CENPC: variants seen among roughly 807,000 people sequenced by gnomAD.
The protein encoded by CENPC is CENP-C 1.
Under a neutral mutation model 112.1 loss-of-function variants are expected in CENPC, and 63 were observed. The observed-to-expected ratio is 0.56, with a 90% CI of 0.46 to 0.69. The LOEUF (loss-of-function observed/expected upper bound fraction) is 0.69, where lower values mean the gene tolerates loss of function less well. CENPC is among the 30% of genes least tolerant of loss of function. The pLI is 0.00. For missense variants in CENPC, 1,000 were observed against 1,103.8 expected, an observed-to-expected ratio of 0.91 and a Z score of 1.33; for synonymous variants, 333 against 367.6, an observed-to-expected ratio of 0.91 and a Z score of 1.08.
chr4:67,541,526 C>A lies in CENPC; in HGVS notation c.66-476G>T, dbSNP rs541902169. On this transcript the variant is annotated intron_variant, in intron 2 of 18. Transcript: ENST00000273853. ...AAAAATTATATTGAGCTTGTAGATT[C>A]ACAGCCAGCTATACAACATAATACA... is the stretch of plus-strand genomic sequence containing the variant. Among the ~76,000 whole-genome samples the A allele has an allele frequency of 2.6e-5, 4 of 152,236 alleles. No homozygotes were observed. The South Asian group carries it at 8.3e-4, about 32-fold the overall frequency.
intron 8 of CENPC, 99 bp downstream of exon 8, chr4:67,513,975 T>C: frequency 1.8e-6 from 2 of 1,138,194 alleles, no homozygotes; most frequent in Non-Finnish European, 2.4e-6. Flanking sequence ...TTTGTTCATT[T>C]AGGTTTACTT....
At chr4:67,545,033 C>A (rs1172088330) in intron 1 of CENPC, among the ~76,000 whole-genome samples, 1 of 151,878 alleles carries the variant, frequency 6.6e-6, no homozygotes, top group Non-Finnish European at 1.5e-5. Flanking sequence ...GGGGACAGAG[C>A]AAGACCCCGT....
chr4:67,516,354 A>C (rs191735038), intron 7 of CENPC, among the ~76,000 whole-genome samples: 4 of 152,128 alleles, frequency 2.6e-5, no homozygotes, highest in African/African-American at 9.7e-5. Context: ...GTAAACATCC[A>C]AACTCCAAAG....
At chr4:67,542,057 T>C (rs1157588193) in intron 2 of CENPC, among the ~76,000 whole-genome samples, 2 of 152,246 alleles carry the variant, frequency 1.3e-5, no homozygotes, top group Non-Finnish European at 2.9e-5. Context: ...TGTTCCATGC[T>C]ATGTGTGTAC....
chr4:67,477,544 A>C (rs762297448), intron 17 of CENPC, among the ~76,000 whole-genome samples: 6 of 152,198 alleles, frequency 3.9e-5, no homozygotes, highest in Non-Finnish European at 8.8e-5. Flanking sequence ...GAACAAATGA[A>C]TCTGAACTGC....
At chr4:67,521,227 T>G (rs1196626810) in intron 5 of CENPC, among the ~76,000 whole-genome samples, 3 of 123,304 alleles carry the variant, frequency 2.4e-5, no homozygotes, top group South Asian at 2.5e-4. Flanking sequence ...AAGTAAGAAA[T>G]AATGATCAAT....
chr4:67,495,236 C>CG (rs747604708), intron 12 of CENPC, 24 bp from the exon 13 acceptor site: 2 of 1,505,730 alleles, frequency 1.3e-6, no homozygotes, highest in South Asian at 2.6e-5. Flanking sequence ...AAGATAATAT[C>CG]ATAAGAAATG....
Position 67,519,484 on chromosome 4 carries a change from T to C in CENPC, c.350A>G (p.His117Arg). The change falls in exon 6 of 19, where the codon CAT (histidine) becomes CGT (arginine). Residue 117 changes from histidine (H) to arginine (R), a missense_variant. Coordinates refer to ENST00000273853, the MANE Select transcript of CENPC (RefSeq NM_001812.4). The stretch of plus-strand genomic sequence containing the variant: ...AACATCAGTTGCCAGAATTTTCTGA[T>C]GAACTTCATGGGCCTGAACTAGAAG... ...TNRSVQAHEV[H>R]QKILATDVSS... 6.3e-7 allele frequency: 1 copy of C among 1,587,684 alleles called. No homozygotes were observed.
chr4:67,526,108 T>C (rs954158386), intron 5 of CENPC, among the ~76,000 whole-genome samples: 2 of 149,910 alleles, frequency 1.3e-5, no homozygotes, highest in East Asian at 2.0e-4. Flanking sequence ...TAAGTGGGAG[T>C]AGAACAATGA....
At chr4:67,505,052 G>A (rs1445574414) in intron 12 of CENPC, 153 bp downstream of exon 12, 2 of 607,474 alleles carry the variant, frequency 3.3e-6, no homozygotes, top group Non-Finnish European at 5.8e-6. Context: ...TCTCACTTAG[G>A]TACAGGGTCT....
At chr4:67,477,369 T>C (rs1037595261) in intron 17 of CENPC, among the ~76,000 whole-genome samples, 1 of 152,208 alleles carries the variant, frequency 6.6e-6, no homozygotes, top group African/African-American at 2.4e-5. Flanking sequence ...AGACAGATCA[T>C]ATCACAAGAC....
intron 5 of CENPC, among the ~76,000 whole-genome samples, chr4:67,523,895 T>A (rs912324148): frequency 6.6e-6 from 1 of 152,012 alleles, no homozygotes; most frequent in African/African-American, 2.4e-5. Flanking sequence ...AAATGGGCCA[T>A]GTCAAAGGGA....
At chr4:67,533,180 A>G (rs1429624114) in intron 4 of CENPC, among the ~76,000 whole-genome samples, 6 of 152,202 alleles carry the variant, frequency 3.9e-5, no homozygotes, top group African/African-American at 1.4e-4. Flanking sequence ...TTGAATCATC[A>G]GGGTCAGTCT....
intron 15 of CENPC, among the ~76,000 whole-genome samples, chr4:67,492,520 T>C (rs980772995): frequency 7.9e-5 from 12 of 152,170 alleles, no homozygotes; most frequent in Non-Finnish European, 1.2e-4. Context: ...AACTCTTGCA[T>C]TATCAAGGTA....
Position 67,519,280 on chromosome 4 carries a change from G to T in CENPC, c.554C>A (p.Thr185Asn). Reference sequence around the variant, plus strand: ...CAGCATATTTACTGAATTTTCAAAAGTGTAAGTCTCTCTCTTTTGGGCACT... The same window carrying T: ...CAGCATATTTACTGAATTTTCAAAATTGTAAGTCTCTCTCTTTTGGGCACT... ...PSSAQKRETYTFENSVNMLPS... is the reference protein window; with the variant it reads ...PSSAQKRETYNFENSVNMLPS... The change falls in exon 6 of 19, where the codon ACT becomes AAT. Residue 185 changes from threonine (T) to asparagine (N), a missense_variant. Coordinates refer to ENST00000273853, the MANE Select transcript of CENPC (RefSeq NM_001812.4). The T allele has an allele frequency of 1.2e-6, 2 of 1,610,692 alleles. No individual in the cohort carries two copies. The highest frequency in any genetic ancestry group is 1.7e-6 in the Non-Finnish European group (2 of 1,177,964).
intron 12 of CENPC, 86 bp from the exon 13 acceptor site, chr4:67,495,298 G>A: frequency 8.1e-7 from 1 of 1,236,472 alleles, no homozygotes; most frequent in Non-Finnish European, 1.1e-6. Context: ...ATTTCAGTAT[G>A]AGTATTTTAA....
chr4:67,512,345 GC>G, intron 9 of CENPC, 56 bp downstream of exon 9: 2 of 1,207,272 alleles, frequency 1.7e-6, no homozygotes, highest in East Asian at 5.1e-5. Context: ...CAAACATAAT[GC>G]CCCTTACAGA....
chr4:67,519,138 A>G lies in CENPC; in HGVS notation c.617+79T>C, dbSNP rs757990645. 17 of 1,011,996 alleles carry G rather than the reference A, an allele frequency of 1.7e-5. 1 individual carries two copies. Among genetic ancestry groups the G allele is most frequent in the Non-Finnish European group, 2.4e-5 (17 of 704,572 alleles). 62.7% of individuals were successfully genotyped at this position (1,011,996 alleles called of 1,614,324 possible). On this transcript the variant is annotated intron_variant, in intron 6 of 18. Transcript: ENST00000273853. ...CTCCTTCCTTAGTGTAAAATAATAT[A>G]ACAAGATTGAATTACCATTTTTTAA...
chr4:67,485,195 C>T lies in CENPC; in HGVS notation c.2670+4772G>A, dbSNP rs1003978377. ...AAACTACTCAATCTGATTGAAGAAT[C>T]AAAGAAAGCAAAAAGCTAAATCCCT... On this transcript the variant is annotated intron_variant, in intron 17 of 18. Transcript: ENST00000273853. Among the ~76,000 whole-genome samples, 3 of 152,068 alleles carry T rather than the reference C, an allele frequency of 2.0e-5. No homozygotes were observed. In the East Asian group the frequency reaches 5.8e-4, roughly 29 times the overall value.
Sources: gnomAD v4.1 joint callset for allele counts (sites outside exome capture counted in the v4.1 genomes callset) on GRCh38, gnomAD v4.1.1 for gene constraint, MANE v1.5 for transcripts, NCBI Gene and HGNC (gene_info 2026-07-23, HGNC 2026-07-21) for gene names.